CADM1: variants seen among roughly 807,000 people sequenced by gnomAD.
CADM1 encodes TSLC-1.
CADM1 carries 15 observed loss-of-function variants against 53.1 expected under a neutral mutation model. The observed-to-expected ratio is 0.28, with a 90% CI of 0.19 to 0.44. CADM1 has a LOEUF of 0.44. CADM1 is among the 20% of genes least tolerant of loss of function. The pLI is 1.00. For missense variants in CADM1, 434 were observed against 611.3 expected, an observed-to-expected ratio of 0.71 and a Z score of 3.06; for synonymous variants, 281 against 243.0, an observed-to-expected ratio of 1.16 and a Z score of -1.45.
intron 5 of CADM1, 100 bp downstream of exon 5, chr11:115,229,013 T>A (rs1445330759): frequency 9.4e-7 from 1 of 1,066,158 alleles, no homozygotes; most frequent in African/African-American, 1.6e-5. Flanking sequence ...AAGAATTCTA[T>A]GTATACTATA....
At chr11:115,244,263 C>T (rs1240634720) in intron 1 of CADM1, among the ~76,000 whole-genome samples, 1 of 152,182 alleles carries the variant, frequency 6.6e-6, no homozygotes. Flanking sequence ...GGTGGGGGTG[C>T]AGCGGGCACA....
chr11:115,463,708 A>G (rs140110783), intron 1 of CADM1, among the ~76,000 whole-genome samples: 319 of 152,288 alleles, frequency 2.1e-3, no homozygotes, highest in African/African-American at 7.2e-3. Context: ...CATCAATTAC[A>G]ATCATCTGCA....
intron 1 of CADM1, among the ~76,000 whole-genome samples, chr11:115,315,159 T>A (rs905349041): frequency 4.6e-5 from 7 of 152,116 alleles, no homozygotes; most frequent in Non-Finnish European, 1.0e-4. Flanking sequence ...CTTTACTAAC[T>A]GTTCTACCAA....
At chr11:115,240,823 A>C (rs1942202305) in intron 1 of CADM1, 1 of 254,006 alleles carries the variant, frequency 3.9e-6, no homozygotes, top group African/African-American at 2.2e-5. Flanking sequence ...CTATTTGGTC[A>C]GCCTCACAGA....
rs1198821456 is a variant in CADM1 at position 115,473,288 on chromosome 11, C to G, written c.124+30983G>C. Among the ~76,000 whole-genome samples, 4 of 152,156 alleles carry G rather than the reference C, an allele frequency of 2.6e-5. No individual in the cohort carries two copies. In the East Asian group the frequency reaches 7.8e-4, roughly 30 times the overall value. On this transcript the variant is annotated intron_variant, in intron 1 of 11. Coordinates refer to ENST00000331581, the MANE Select transcript of CADM1 (RefSeq NM_001301043.2). Reference sequence around the variant, plus strand: ...AGCCTGGGGAACATAGCAAGGCCCCCTATCTACAAAATTTTAAAAAATTCG... The same window carrying G: ...AGCCTGGGGAACATAGCAAGGCCCCGTATCTACAAAATTTTAAAAAATTCG...
At chr11:115,285,507 A>G (rs1943707575) in intron 1 of CADM1, among the ~76,000 whole-genome samples, 1 of 152,214 alleles carries the variant, frequency 6.6e-6, no homozygotes. Context: ...TGAAGTCTGG[A>G]ATCGTTGAAA....
At chr11:115,482,634 T>C (rs1447399563) in intron 1 of CADM1, among the ~76,000 whole-genome samples, 1 of 152,190 alleles carries the variant, frequency 6.6e-6, no homozygotes, top group Non-Finnish European at 1.5e-5. Flanking sequence ...AACGTGTTTC[T>C]CTTATAAGAT....
At chr11:115,330,198 G>C (rs147158718) in intron 1 of CADM1, among the ~76,000 whole-genome samples, 2 of 151,880 alleles carry the variant, frequency 1.3e-5, no homozygotes, top group East Asian at 3.9e-4. Flanking sequence ...AATTTTCTAA[G>C]TACAGTCAGC....
At chr11:115,212,810 G>A (rs907103922) in intron 7 of CADM1, among the ~76,000 whole-genome samples, 4 of 152,194 alleles carry the variant, frequency 2.6e-5, no homozygotes, top group Non-Finnish European at 5.9e-5. Context: ...AAATGGGATC[G>A]TGATAATGCC....
chr11:115,190,799 C>A, intron 10 of CADM1, 89 bp downstream of exon 10: 1 of 1,108,212 alleles, frequency 9.0e-7, no homozygotes. Context: ...ACACTGATTG[C>A]TCAGCAAACC....
chr11:115,429,184 A>G (rs147458718), intron 1 of CADM1, among the ~76,000 whole-genome samples: 35 of 152,340 alleles, frequency 2.3e-4, no homozygotes, highest in Non-Finnish European at 3.1e-4. Context: ...GAAAAAGCAG[A>G]GAGCAAAGAA....
chr11:115,207,691 C>T (rs946306759), intron 8 of CADM1, among the ~76,000 whole-genome samples: 2 of 152,114 alleles, frequency 1.3e-5, no homozygotes, highest in African/African-American at 2.4e-5. Context: ...AATAAGGTCT[C>T]GACTGCCTTA....
intron 1 of CADM1, among the ~76,000 whole-genome samples, chr11:115,305,900 CAAAAAAAAAAAA>C (rs35517673): frequency 1.2e-5 from 1 of 80,840 alleles, no homozygotes; most frequent in Non-Finnish European, 2.5e-5. Context: ...GACTCCATCT[CAAAAAAAAAAAA>C]AAAAAAAAAG....
chr11:115,371,143 T>C (rs1048984791), intron 1 of CADM1, among the ~76,000 whole-genome samples: 9 of 152,160 alleles, frequency 5.9e-5, no homozygotes, highest in Non-Finnish European at 1.2e-4. Flanking sequence ...ACTTTATATA[T>C]AGTAAATATG....
intron 1 of CADM1, among the ~76,000 whole-genome samples, chr11:115,415,683 A>G (rs977796653): frequency 1.3e-5 from 2 of 151,958 alleles, no homozygotes; most frequent in Non-Finnish European, 2.9e-5. Flanking sequence ...TAAAAATACA[A>G]CATTTAGCCA....
At chr11:115,375,453 T>C (rs964519678) in intron 1 of CADM1, among the ~76,000 whole-genome samples, 1 of 152,170 alleles carries the variant, frequency 6.6e-6, no homozygotes, top group Admixed American at 6.6e-5. Flanking sequence ...TGCGACAATT[T>C]ACTGAGCTGC....
At chr11:115,401,334 C>T (rs1281471058) in intron 1 of CADM1, among the ~76,000 whole-genome samples, 2 of 151,634 alleles carry the variant, frequency 1.3e-5, no homozygotes, top group African/African-American at 4.8e-5. Context: ...GTTGGCCAGG[C>T]GCGGTGGCCC....
At chr11:115,284,924 C>CTCGGA in intron 1 of CADM1, among the ~76,000 whole-genome samples, 1 of 152,164 alleles carries the variant, frequency 6.6e-6, no homozygotes, top group Non-Finnish European at 1.5e-5. Flanking sequence ...GTTAAATGGA[C>CTCGGA]TCTATCCAAG....
At chr11:115,371,937 T>C (rs1946318351) in intron 1 of CADM1, among the ~76,000 whole-genome samples, 1 of 152,178 alleles carries the variant, frequency 6.6e-6, no homozygotes, top group Non-Finnish European at 1.5e-5. Flanking sequence ...CTAGTGTAAA[T>C]GCTTCACTTA....
Sources: allele counts gnomAD v4.1 joint callset (sites outside exome capture counted in the v4.1 genomes callset), GRCh38; gene constraint gnomAD v4.1.1; transcripts MANE v1.5; gene names NCBI Gene and HGNC (gene_info 2026-07-23, HGNC 2026-07-21).